The following CACNA2D1 variants were observed in gnomAD, a reference collection of about 807,000 sequenced individuals.
CACNA2D1 encodes the protein voltage-dependent calcium channel subunit alpha-2/delta-1.
CACNA2D1 carries 53 observed loss-of-function variants against 171.5 expected under a neutral mutation model. The ratio of observed to expected loss-of-function variants is 0.31; its 90% CI spans 0.25 to 0.39. The LOEUF (loss-of-function observed/expected upper bound fraction) is 0.39. CACNA2D1 is among the 10% of genes least tolerant of loss of function. The pLI, the probability that CACNA2D1 is intolerant of heterozygous loss-of-function variation, is 1.00. For synonymous variants in CACNA2D1, 442 were observed against 443.1 expected, an observed-to-expected ratio of 1.00 and a Z score of 0.03; for missense variants, 903 against 1,299.8, an observed-to-expected ratio of 0.69 and a Z score of 4.69.
chr7:81,977,024 C>T (rs1441974694), intron 24 of CACNA2D1, among the ~76,000 whole-genome samples: 1 of 152,104 alleles, frequency 6.6e-6, no homozygotes, highest in Non-Finnish European at 1.5e-5. Flanking sequence ...TCCTCTCTTC[C>T]TATTTGAATA....
At chr7:82,175,572 A>G (rs1416070125) in intron 3 of CACNA2D1, among the ~76,000 whole-genome samples, 1 of 152,074 alleles carries the variant, frequency 6.6e-6, no homozygotes, top group Non-Finnish European at 1.5e-5. Context: ...ATACCTACTG[A>G]AAATAGCAGA....
intron 3 of CACNA2D1, among the ~76,000 whole-genome samples, chr7:82,234,736 T>C (rs1803345801): frequency 6.6e-6 from 1 of 152,106 alleles, no homozygotes. Flanking sequence ...TAAGTAAACA[T>C]AAGAAAACAA....
At chr7:82,305,034 T>TA (rs1199717468) in intron 3 of CACNA2D1, among the ~76,000 whole-genome samples, 1 of 152,172 alleles carries the variant, frequency 6.6e-6, no homozygotes, top group Non-Finnish European at 1.5e-5. Flanking sequence ...GTTAATTTTT[T>TA]AAAAAAGAAT....
chr7:82,435,030 C>CTTTTTTTTTT (rs764179836), intron 1 of CACNA2D1, among the ~76,000 whole-genome samples: 2 of 84,344 alleles, frequency 2.4e-5, no homozygotes, highest in African/African-American at 4.7e-5. Flanking sequence ...TCTTCAGATA[C>CTTTTTTTTTT]TTTTTTTTTT....
chr7:82,202,452 G>A, intron 3 of CACNA2D1, among the ~76,000 whole-genome samples: 1 of 152,134 alleles, frequency 6.6e-6, no homozygotes, highest in Admixed American at 6.5e-5. Flanking sequence ...GGTGGCCGGT[G>A]GCAGCTTACT....
chr7:81,980,172 CAAAA>C (rs35616922), intron 24 of CACNA2D1, among the ~76,000 whole-genome samples: 67 of 25,256 alleles, frequency 2.7e-3, no homozygotes, highest in African/African-American at 9.6e-3. Context: ...TAAAACCAAG[CAAAA>C]AAAAAAAAAA....
chr7:82,202,296 G>A (rs995058309), intron 3 of CACNA2D1, among the ~76,000 whole-genome samples: 2 of 152,154 alleles, frequency 1.3e-5, no homozygotes, highest in African/African-American at 4.8e-5. Context: ...TGTTCTTTCA[G>A]CTGCCCACCA....
intron 5 of CACNA2D1, among the ~76,000 whole-genome samples, chr7:82,132,805 A>G (rs1791150304): frequency 6.6e-6 from 1 of 152,236 alleles, no homozygotes; most frequent in Non-Finnish European, 1.5e-5. Context: ...ACTAATCAAT[A>G]CAACATAATT....
chr7:82,118,592 T>G (rs1325935058), intron 5 of CACNA2D1, among the ~76,000 whole-genome samples: 1 of 152,102 alleles, frequency 6.6e-6, no homozygotes, highest in African/African-American at 2.4e-5. Context: ...AAGAATAAAC[T>G]ATTAAGGTTT....
intron 10 of CACNA2D1, among the ~76,000 whole-genome samples, chr7:82,059,025 T>C (rs1254966022): frequency 6.6e-6 from 1 of 152,132 alleles, no homozygotes; most frequent in African/African-American, 2.4e-5. Context: ...GAGCTTCAGG[T>C]GAGAAGGGAC....
intron 3 of CACNA2D1, among the ~76,000 whole-genome samples, chr7:82,187,667 T>C (rs1797903432): frequency 6.6e-6 from 1 of 152,352 alleles, no homozygotes; most frequent in Middle Eastern, 3.4e-3. Context: ...ATCAATTAAA[T>C]CAGTCAATGC....
intron 2 of CACNA2D1, among the ~76,000 whole-genome samples, chr7:82,335,745 AG>A (rs1172834438): frequency 6.6e-6 from 1 of 152,232 alleles, no homozygotes; most frequent in South Asian, 2.1e-4. Flanking sequence ...AGAGGAGCTT[AG>A]GAGACAGTTC....
intron 1 of CACNA2D1, among the ~76,000 whole-genome samples, chr7:82,366,903 CTTTT>C (rs71093376): frequency 1.8e-3 from 156 of 86,968 alleles, no homozygotes; most frequent in African/African-American, 5.9e-3. Context: ...TGGTTTTGAC[CTTTT>C]TTTTTTTTTT....
intron 6 of CACNA2D1, among the ~76,000 whole-genome samples, chr7:82,093,512 CA>C (rs1476262424): frequency 6.6e-6 from 1 of 152,026 alleles, no homozygotes; most frequent in African/African-American, 2.4e-5. Context: ...TAATGTCCAA[CA>C]ACACTACTTA....
Position 81,948,001 on chromosome 7 carries a change from C to T in CACNA2D1, c.*2391G>A, listed in dbSNP as rs1197924037. On this transcript the variant is annotated 3_prime_UTR_variant, in exon 39 of 39. Coordinates refer to ENST00000356860, the MANE Select transcript of CACNA2D1 (RefSeq NM_000722.4). ...TAAATAGGATCCTGCCAAGAGATGC[C>T]AAGTTTAACCGCGATTAATACAATA... is the stretch of plus-strand genomic sequence containing the variant. The T allele has an allele frequency of 6.6e-6, 1 of 151,608 alleles. No homozygotes were observed. The allele number at this position is 151,608 out of a possible 1,614,324, so 9.4% of individuals were successfully genotyped here. A position where few individuals can be genotyped will look rare whatever the true frequency, so the allele number is the denominator to read the frequency against.
Position 81,955,905 on chromosome 7 carries a change from TGGGGGGGGGG to T in CACNA2D1, c.3159+3360_3159+3369del, listed in dbSNP as rs59823054. Among the ~76,000 whole-genome samples the T allele has an allele frequency of 3.4e-3, 183 of 53,954 alleles. 8 individuals carry two copies. Among genetic ancestry groups the T allele is most frequent in the African/African-American group, 0.012 (176 of 14,820 alleles). The allele number at this position is 53,954 out of a possible 152,430, so 35.4% of individuals were successfully genotyped here. On this transcript the variant is annotated intron_variant, in intron 38 of 38. Coordinates refer to ENST00000356860, the MANE Select transcript of CACNA2D1 (RefSeq NM_000722.4). ...CCATAATAGGAAAATGTTATTTTGG[TGGGGGGGGGG>T]GGGGGTGGTGGTCTTAGGTTAAAAA...
At chr7:82,393,031 GAGGAAGGAAGGAAGGA>G (rs552898545) in intron 1 of CACNA2D1, among the ~76,000 whole-genome samples, 35 of 75,872 alleles carry the variant, frequency 4.6e-4, no homozygotes, top group South Asian at 2.0e-3. Flanking sequence ...GACAGAGAGA[GAGGAAGGAAGGAAGGA>G]AGGAAGGAAG....
chr7:82,372,298 C>G (rs1822503751), intron 1 of CACNA2D1, among the ~76,000 whole-genome samples: 1 of 152,000 alleles, frequency 6.6e-6, no homozygotes, highest in Admixed American at 6.6e-5. Context: ...AATTCTGTTC[C>G]AAGGCAACAT....
At position 82,433,372 on chromosome 7, in the gene CACNA2D1, A is replaced by G. The variant is rs151046983; in HGVS notation, c.95+9993T>C. 2.6e-5 allele frequency among the ~76,000 whole-genome samples: 4 copies of G among 152,268 alleles called. No homozygotes were observed. In the East Asian group the frequency reaches 7.7e-4, roughly 29 times the overall value. ...ACCACTGAAAGAAAAACTCTAGTCC[A>G]TTCCTCTCAAAATTTGAATATTACT... is the stretch of plus-strand genomic sequence containing the variant. On this transcript the variant is annotated intron_variant, in intron 1 of 38. Coordinates refer to ENST00000356860, the MANE Select transcript of CACNA2D1 (RefSeq NM_000722.4).
Sources: allele counts gnomAD v4.1 joint callset (sites outside exome capture counted in the v4.1 genomes callset), GRCh38; gene constraint gnomAD v4.1.1; transcripts MANE v1.5; gene names NCBI Gene and HGNC (gene_info 2026-07-23, HGNC 2026-07-21).